Variants in UGGT2 observed in about 807,000 individuals in gnomAD.
UGGT2 encodes UDP-glucose glycoprotein glucosyltransferase 2.
UGGT2 carries 180 observed loss-of-function variants against 192.1 expected under a neutral mutation model. The observed-to-expected ratio is 0.94, with a 90% CI of 0.83 to 1.06. The LOEUF (loss-of-function observed/expected upper bound fraction) is 1.06. UGGT2 is among the 50% of genes least tolerant of loss of function. The pLI is 0.00. For missense variants in UGGT2, 1,849 were observed against 1,795.7 expected (o/e 1.03, Z -0.54); for synonymous variants, 580 against 591.0 (o/e 0.98, Z 0.27).
Position 95,962,818 on chromosome 13 carries a change from C to T in UGGT2, c.1335+7294G>A, listed in dbSNP as rs139020813. Among the ~76,000 whole-genome samples the T allele has an allele frequency of 1.4e-3, 210 of 152,070 alleles. 5 individuals are homozygous for T. In the East Asian group the frequency reaches 0.033, roughly 24 times the overall value. On this transcript the variant is annotated intron_variant, in intron 12 of 38. Transcript: ENST00000376747. ...CTGCTGATAAAGGCATACCCGAGAC[C>T]GGGTAATTTAAACAGGAAAAAGGGT...
chr13:95,852,956 G>T (rs1889197118), intron 36 of UGGT2, among the ~76,000 whole-genome samples: 1 of 152,140 alleles, frequency 6.6e-6, no homozygotes. Flanking sequence ...ATCATAAATG[G>T]TAATTCCCAT....
At position 95,893,875 on chromosome 13, in the gene UGGT2, G is replaced by A. The variant is rs1415453976; in HGVS notation, c.2855+687C>T. Among the ~76,000 whole-genome samples, 3 of 152,162 alleles carry A rather than the reference G, an allele frequency of 2.0e-5. No individual in the cohort carries two copies. In the East Asian group the frequency reaches 5.8e-4, roughly 29 times the overall value. ...CTTTTATTTCCATCCTACCACAGGA[G>A]CCTGACAGAGTAAATCCTTGGACCC... On this transcript the variant is annotated intron_variant, in intron 24 of 38. Transcript: ENST00000376747.
intron 10 of UGGT2, among the ~76,000 whole-genome samples, chr13:95,978,197 A>T (rs1412427051): frequency 1.3e-5 from 2 of 152,130 alleles, no homozygotes; most frequent in Admixed American, 1.3e-4. Flanking sequence ...AATTAAAATT[A>T]AAAAAAGAGC....
chr13:95,922,880 C>T (rs2048892415), intron 20 of UGGT2, among the ~76,000 whole-genome samples: 2 of 152,098 alleles, frequency 1.3e-5, no homozygotes, highest in Non-Finnish European at 2.9e-5. Context: ...AAGAAACTCT[C>T]TTTGTTTTTA....
chr13:95,803,821 T>C (rs891082020), intron 38 of UGGT2, among the ~76,000 whole-genome samples: 2 of 152,082 alleles, frequency 1.3e-5, no homozygotes, highest in African/African-American at 2.4e-5. Flanking sequence ...GTTAAATATA[T>C]ACAAACAGCC....
In UGGT2 at chr13:95,985,029, ATATTT is replaced by A. The variant is rs547280394; in HGVS notation, c.1032-1170_1032-1166del. On this transcript the variant is annotated intron_variant, in intron 9 of 38. Coordinates refer to ENST00000376747, the MANE Select transcript of UGGT2 (RefSeq NM_020121.4). ...AATTTAGCCATTAAGCAATGTTAGC[ATATTT>A]TATAATTTTTTCTTAATTACAGATT... 318 of 170,012 alleles carry A rather than the reference ATATTT, an allele frequency of 1.9e-3. 3 individuals carry two copies. Among genetic ancestry groups the A allele is most frequent in the African/African-American group, 7.2e-3 (301 of 41,782 alleles). The allele number at this position is 170,012 out of a possible 1,614,324, so 10.5% of individuals were successfully genotyped here.
At chr13:95,848,881 C>A (rs950478875) in intron 36 of UGGT2, among the ~76,000 whole-genome samples, 6 of 152,118 alleles carry the variant, frequency 3.9e-5, no homozygotes, top group Non-Finnish European at 7.4e-5. Flanking sequence ...TCAATTTAGT[C>A]TTGAGCAATT....
chr13:95,895,348 T>C (rs1010480492), intron 22 of UGGT2, 44 bp from the exon 23 acceptor site: 2 of 1,199,936 alleles, frequency 1.7e-6, no homozygotes, highest in African/African-American at 3.2e-5. Flanking sequence ...TTCTAGAAGA[T>C]ATCAGTTTAG....
At chr13:95,866,168 C>T (rs182581609) in intron 30 of UGGT2, among the ~76,000 whole-genome samples, 55 of 152,186 alleles carry the variant, frequency 3.6e-4, no homozygotes, top group Admixed American at 2.0e-3. Context: ...AAGCTATCTA[C>T]TATTAATTTT....
chr13:95,869,148 T>C (rs1269519631), intron 29 of UGGT2, among the ~76,000 whole-genome samples: 1 of 151,862 alleles, frequency 6.6e-6, no homozygotes, highest in Non-Finnish European at 1.5e-5. Context: ...TTGGTTTTTT[T>C]GTCCTTGCGA....
chr13:96,025,625 A>C (rs1011050496), intron 2 of UGGT2, among the ~76,000 whole-genome samples: 12 of 152,182 alleles, frequency 7.9e-5, no homozygotes, highest in African/African-American at 2.9e-4. Context: ...AAAGTCTTTC[A>C]GCTCTGATCC....
intron 15 of UGGT2, among the ~76,000 whole-genome samples, chr13:95,940,934 C>A (rs765049084): frequency 1.3e-5 from 2 of 152,140 alleles, no homozygotes; most frequent in Non-Finnish European, 2.9e-5. Context: ...TGCACCTCTA[C>A]TCTTCCCCAG....
intron 12 of UGGT2, among the ~76,000 whole-genome samples, chr13:95,963,667 A>G (rs533731651): frequency 6.6e-6 from 1 of 152,310 alleles, no homozygotes; most frequent in African/African-American, 2.4e-5. Context: ...AATTCTTAGA[A>G]CTGATAAATT....
chr13:95,904,754 A>T (rs532541394), intron 20 of UGGT2, among the ~76,000 whole-genome samples: 1 of 152,108 alleles, frequency 6.6e-6, no homozygotes, highest in Admixed American at 6.5e-5. Flanking sequence ...CGCAATAAAC[A>T]TATGTGTGCA....
chr13:95,957,750 T>C (rs1566755127), intron 12 of UGGT2, among the ~76,000 whole-genome samples: 1 of 152,252 alleles, frequency 6.6e-6, no homozygotes, highest in African/African-American at 2.4e-5. Flanking sequence ...CTGTTTACTA[T>C]GTCTAGAAGA....
chr13:96,036,281 T>G (rs1472056857), intron 1 of UGGT2, among the ~76,000 whole-genome samples: 1 of 152,190 alleles, frequency 6.6e-6, no homozygotes, highest in Non-Finnish European at 1.5e-5. Flanking sequence ...GAAGCCATTA[T>G]CCTCAGCAAA....
At position 96,053,343 on chromosome 13, in the gene UGGT2, A is replaced by AC. The variant is rs2053544868; in HGVS notation, c.-32dup. 6.4e-7 allele frequency: 1 copy of AC among 1,571,446 alleles called. No individual in the cohort carries two copies. Among genetic ancestry groups the AC allele is most frequent in the African/African-American group, 1.4e-5 (1 of 72,110 alleles). On this transcript the variant is annotated 5_prime_UTR_variant, in exon 1 of 39. Transcript: ENST00000376747. ...GGAGAGAAAAGCGCGAGTCCCTCGG[A>AC]CCCGGTACCCACAGTCTGTGGCCGC... is the stretch of plus-strand genomic sequence containing the variant.
rs1035154674 is a variant in UGGT2 at position 95,914,288 on chromosome 13, T to C, written c.2296-11228A>G. Among the ~76,000 whole-genome samples, 14 of 150,788 alleles carry C rather than the reference T, an allele frequency of 9.3e-5. 2 individuals are homozygous for C. Among genetic ancestry groups the C allele is most frequent in the African/African-American group, 3.4e-4 (14 of 41,206 alleles). On this transcript the variant is annotated intron_variant, in intron 20 of 38. Coordinates refer to ENST00000376747, the MANE Select transcript of UGGT2 (RefSeq NM_020121.4). ...GCAATGAGATGATATATTCAAAGTG[T>C]TAAAATATTCCTTACAACTACTGTA...
chr13:95,932,605 C>A (rs73560818), intron 17 of UGGT2, among the ~76,000 whole-genome samples: 2,762 of 152,160 alleles, frequency 0.018, 85 homozygotes, highest in African/African-American at 0.063. Flanking sequence ...TGCCTGATTG[C>A]TCTAAGACTT....
Sources: gnomAD v4.1 joint callset for allele counts (sites outside exome capture counted in the v4.1 genomes callset) on GRCh38, gnomAD v4.1.1 for gene constraint, MANE v1.5 for transcripts, NCBI Gene and HGNC (gene_info 2026-07-23, HGNC 2026-07-21) for gene names.